NAP1L4: variants seen among roughly 807,000 people sequenced by gnomAD.
The protein encoded by NAP1L4 is nucleosome assembly protein 1-like 4.
Under a neutral mutation model 58.2 loss-of-function variants are expected in NAP1L4, and 15 were observed. The observed-to-expected ratio is 0.26, with a 90% confidence interval of 0.17 to 0.40. The LOEUF (loss-of-function observed/expected upper bound fraction) is 0.40. Ranked by LOEUF, NAP1L4 falls within the 10% of genes least tolerant of loss-of-function variation. NAP1L4 has a pLI of 1.00. For missense variants in NAP1L4, 384 were observed against 451.1 expected (o/e 0.85, Z 1.35); for synonymous variants, 171 against 155.6 (o/e 1.10, Z -0.74).
At chr11:2,963,525 T>G (rs1302361123) in intron 8 of NAP1L4, among the ~76,000 whole-genome samples, 2 of 152,098 alleles carry the variant, frequency 1.3e-5, no homozygotes, top group Non-Finnish European at 2.9e-5. Flanking sequence ...TCACCTTCCA[T>G]AGTGGAAAAC....
intron 10 of NAP1L4, 168 bp downstream of exon 10, chr11:2,958,230 TA>T: frequency 1.4e-6 from 1 of 734,444 alleles, no homozygotes; most frequent in Non-Finnish European, 2.4e-6. Flanking sequence ...CCCCCCGCGA[TA>T]AACTTGCCAG....
chr11:2,979,107 T>C (rs1166156702), intron 2 of NAP1L4, 100 bp downstream of exon 2: 1 of 1,229,138 alleles, frequency 8.1e-7, no homozygotes, highest in Non-Finnish European at 1.2e-6. Flanking sequence ...GACGCTGAAA[T>C]GCATTTAACT....
Position 2,958,231 on chromosome 11 carries a change from A to G in NAP1L4, c.892+168T>C, listed in dbSNP as rs183558625. The G allele has an allele frequency of 8.1e-5, 60 of 736,582 alleles. No homozygotes were observed. The East Asian group carries it at 1.6e-3, about 20-fold the overall frequency. The allele number at this position is 736,582 out of a possible 1,614,324, so 45.6% of individuals were successfully genotyped here. On this transcript the variant is annotated intron_variant, in intron 10 of 15. Transcript: ENST00000380542. ...CCTAGCTACCTCTGCCCCCCGCGATAAACTTGCCAGCGCACCAACAGAACA... is the reference window on the plus strand; with the variant it reads ...CCTAGCTACCTCTGCCCCCCGCGATGAACTTGCCAGCGCACCAACAGAACA...
chr11:2,983,204 T>A lies in NAP1L4; in HGVS notation c.-17-3967A>T, dbSNP rs116290275. On this transcript the variant is annotated intron_variant, in intron 1 of 15. Coordinates refer to ENST00000380542, the MANE Select transcript of NAP1L4 (RefSeq NM_005969.4). ...ATGCAGCCCCAGAGCCCCTAACAGTTCCTGGCATAATAAATATCTGTTGAA... is the reference window on the plus strand; with the variant it reads ...ATGCAGCCCCAGAGCCCCTAACAGTACCTGGCATAATAAATATCTGTTGAA... 2.9e-3 allele frequency among the ~76,000 whole-genome samples: 442 copies of A among 152,254 alleles called. 3 individuals are homozygous for A. The highest frequency in any genetic ancestry group is 0.01 in the African/African-American group (416 of 41,548).
intron 6 of NAP1L4, among the ~76,000 whole-genome samples, chr11:2,970,366 G>T (rs1385489174): frequency 6.6e-6 from 1 of 151,924 alleles, no homozygotes; most frequent in Non-Finnish European, 1.5e-5. Flanking sequence ...GGATAAAGAA[G>T]TTCACTTGGA....
chr11:2,960,005 GGAA>G (rs1846768139), intron 8 of NAP1L4, 96 bp from the exon 9 acceptor site: 1 of 1,318,732 alleles, frequency 7.6e-7, no homozygotes, highest in East Asian at 2.5e-5. Context: ...AGCTATTTTG[GGAA>G]AGCTCAACAG....
chr11:2,990,926 C>A, intron 1 of NAP1L4: 1 of 346,498 alleles, frequency 2.9e-6, no homozygotes, highest in Non-Finnish European at 5.9e-6. Context: ...GTCCAACAAC[C>A]TAATCTACAT....
intron 4 of NAP1L4, among the ~76,000 whole-genome samples, chr11:2,974,969 A>C (rs12362018): frequency 0.15 from 22,143 of 151,970 alleles, 1,672 homozygotes; most frequent in Middle Eastern, 0.18. Flanking sequence ...CGGAAGTTGC[A>C]CTCCAGCCTG....
intron 1 of NAP1L4, among the ~76,000 whole-genome samples, chr11:2,980,795 A>G (rs1240134640): frequency 6.6e-6 from 1 of 152,226 alleles, no homozygotes; most frequent in African/African-American, 2.4e-5. Flanking sequence ...CCTGTATTTA[A>G]CTCAACTACT....
chr11:2,951,301 G>A lies in NAP1L4; in HGVS notation c.1080C>T (p.Asp360=), dbSNP rs200186279. The change falls in exon 14 of 16, where the codon GAC becomes GAT. Residue 360 remains aspartate, a synonymous_variant. Coordinates refer to ENST00000380542, the MANE Select transcript of NAP1L4 (RefSeq NM_005969.4). The surrounding 1 kb of genome is among the most constrained non-coding windows in gnomAD (Gnocchi z 4.0). The part of the protein sequence containing the change: ...EEGEEEELEG[D]EEGEDEDDAE... ...CATCATCCTCGTCTTCTCCCTCCTC[G>A]TCACCTTCTAATTCCTGTATTTAAA... 160 of 1,613,636 alleles carry A rather than the reference G, an allele frequency of 9.9e-5. No individual in the cohort carries two copies. The highest frequency in any genetic ancestry group is 1.3e-4 in the Non-Finnish European group (149 of 1,179,854).
At chr11:2,980,949 G>C (rs1848264816) in intron 1 of NAP1L4, among the ~76,000 whole-genome samples, 1 of 151,024 alleles carries the variant, frequency 6.6e-6, no homozygotes, top group Non-Finnish European at 1.5e-5. Context: ...AAAAAATGCA[G>C]CAGGCACAGT....
Position 2,971,294 on chromosome 11 carries a change from TCCA to T in NAP1L4, c.402+151_402+153del, listed in dbSNP as rs371837207. On this transcript the variant is annotated intron_variant, in intron 6 of 15. Transcript: ENST00000380542. The surrounding 1 kb of genome is among the most constrained non-coding windows in gnomAD (Gnocchi z 4.2). ...TGACAGTACTGTGTCAGATGCTAGA[TCCA>T]TATCAGAAAGGAATCTAAACCCAAC... 4.5e-4 allele frequency among the ~76,000 whole-genome samples: 69 copies of T among 152,326 alleles called. No homozygotes were observed. Among genetic ancestry groups the T allele is most frequent in the Middle Eastern group, 3.4e-3 (1 of 294 alleles).
intron 2 of NAP1L4, 51 bp downstream of exon 2, chr11:2,979,156 G>A: frequency 6.4e-7 from 1 of 1,569,330 alleles, no homozygotes; most frequent in Non-Finnish European, 8.7e-7. Context: ...CTTGGCTGTT[G>A]CTCACCAACT....
chr11:2,992,050 C>A (rs983560775), intron 1 of NAP1L4: 1 of 152,146 alleles, frequency 6.6e-6, no homozygotes, highest in Non-Finnish European at 1.5e-5. Flanking sequence ...CAGGCCCGGG[C>A]TCCAGGCCCC....
chr11:2,957,065 G>A (rs1437363942), intron 10 of NAP1L4, among the ~76,000 whole-genome samples: 1 of 150,682 alleles, frequency 6.6e-6, no homozygotes, highest in African/African-American at 2.5e-5. Flanking sequence ...TACCCTAAAA[G>A]TTTTAGAATC....
chr11:2,960,094 G>C, intron 8 of NAP1L4, 185 bp from the exon 9 acceptor site: 1 of 597,896 alleles, frequency 1.7e-6, no homozygotes, highest in Non-Finnish European at 2.9e-6. Flanking sequence ...ACGATGGACT[G>C]GCGGGAAATA....
chr11:2,958,601 AATGCATGCAGGAAG>A, intron 9 of NAP1L4, 57 bp from the exon 10 acceptor site: 2 of 1,562,058 alleles, frequency 1.3e-6, no homozygotes, highest in Non-Finnish European at 1.7e-6. Context: ...ATCCATTACA[AATGCATGCAGGAAG>A]CAAACCACAG....
Position 2,964,620 on chromosome 11 carries a change from C to G in NAP1L4, c.606+60G>C, listed in dbSNP as rs1022267557. 8 of 1,423,766 alleles carry G rather than the reference C, an allele frequency of 5.6e-6. No homozygotes were observed. In the Admixed American group the frequency reaches 9.5e-5, roughly 17 times the overall value. The allele number at this position is 1,423,766 out of a possible 1,614,324, so 88.2% of individuals were successfully genotyped here. ...GGTTTCTTGCCCCTGGCTCCAAGTT[C>G]TTCCATCTTTGTGGACTGACCCTGT... is the stretch of plus-strand genomic sequence containing the variant. On this transcript the variant is annotated intron_variant, in intron 8 of 15. Transcript: ENST00000380542.
chr11:2,992,188 C>A, intron 1 of NAP1L4, 66 bp downstream of exon 1: 1 of 152,150 alleles, frequency 6.6e-6, no homozygotes, highest in South Asian at 1.8e-4. Flanking sequence ...CGGCCCCACC[C>A]GCCCGTCCGG....
Sources: allele counts gnomAD v4.1 joint callset (sites outside exome capture counted in the v4.1 genomes callset), GRCh38; gene constraint gnomAD v4.1.1; non-coding constraint Gnocchi (gnomAD v3.1); transcripts MANE v1.5; gene names NCBI Gene and HGNC (gene_info 2026-07-23, HGNC 2026-07-21).